The following UNC79 variants were observed in gnomAD, a reference collection of about 807,000 sequenced individuals.
UNC79 encodes unc-79 subunit of NALCN channel complex, also known as protein unc-79 homolog.
In UNC79, 37 loss-of-function variants were observed where a neutral mutation model predicts 283.1. That is an observed-to-expected ratio of 0.13 (90% confidence interval 0.10 to 0.17). The LOEUF (loss-of-function observed/expected upper bound fraction) is 0.17. Among genes scored for constraint, UNC79 ranks in the 10% least tolerant of loss-of-function variants. The pLI, the probability that UNC79 is intolerant of heterozygous loss-of-function variation, is 1.00. For synonymous variants in UNC79, 1,107 were observed against 1,200.2 expected, an observed-to-expected ratio of 0.92 and a Z score of 1.61; for missense variants, 2,272 against 3,211.1, an observed-to-expected ratio of 0.71 and a Z score of 7.07.
chr14:93,622,475 G>A, exon 30 of UNC79: 4 of 1,614,140 alleles, frequency 2.5e-6, no homozygotes, highest in Non-Finnish European at 3.4e-6. Context: ...GCAAAAACGA[G>A]ACCTCCTTCA....
chr14:93,420,655 C>T (rs1203766878), intron 1 of UNC79, among the ~76,000 whole-genome samples: 1 of 151,782 alleles, frequency 6.6e-6, no homozygotes, highest in African/African-American at 2.4e-5. Flanking sequence ...GCAGAATACA[C>T]ATTCTTTTCC....
intron 7 of UNC79, among the ~76,000 whole-genome samples, chr14:93,498,523 A>G (rs2059133183): frequency 6.6e-6 from 1 of 151,710 alleles, no homozygotes; most frequent in South Asian, 2.1e-4. Flanking sequence ...CCTAGGAGGC[A>G]GAGGCTGTGG....
intron 30 of UNC79, among the ~76,000 whole-genome samples, chr14:93,629,792 T>C (rs1397078632): frequency 6.6e-6 from 1 of 152,256 alleles, no homozygotes; most frequent in African/African-American, 2.4e-5. Flanking sequence ...AGAAACACTA[T>C]TAAGCTTAAG....
At chr14:93,335,799 GC>G (rs1252750194) in intron 1 of UNC79, among the ~76,000 whole-genome samples, 2 of 152,156 alleles carry the variant, frequency 1.3e-5, no homozygotes, top group African/African-American at 4.8e-5. Context: ...GCCTACCTGG[GC>G]CTGAAACCAA....
At chr14:93,701,980 A>T (rs2075561949) in intron 47 of UNC79, among the ~76,000 whole-genome samples, 1 of 152,144 alleles carries the variant, frequency 6.6e-6, no homozygotes, top group Admixed American at 6.5e-5. Context: ...TACTCTTCTC[A>T]AGTCCCTCAC....
chr14:93,440,444 T>A (rs2056255128), intron 1 of UNC79, among the ~76,000 whole-genome samples: 1 of 152,072 alleles, frequency 6.6e-6, no homozygotes, highest in South Asian at 2.1e-4. Context: ...TTAATTTCAG[T>A]TTTTATTATT....
At chr14:93,500,376 G>A (rs985130623) in intron 7 of UNC79, among the ~76,000 whole-genome samples, 1 of 152,122 alleles carries the variant, frequency 6.6e-6, no homozygotes, top group Non-Finnish European at 1.5e-5. Flanking sequence ...TGCCCTCCAG[G>A]CACTGTCCTA....
At chr14:93,675,142 T>G (rs531931457) in intron 41 of UNC79, among the ~76,000 whole-genome samples, 1 of 152,344 alleles carries the variant, frequency 6.6e-6, no homozygotes, top group Non-Finnish European at 1.5e-5. Flanking sequence ...TCTGGCCACA[T>G]CTGACTCTTC....
At chr14:93,406,307 G>A (rs2055224448) in intron 1 of UNC79, among the ~76,000 whole-genome samples, 1 of 152,230 alleles carries the variant, frequency 6.6e-6, no homozygotes, top group East Asian at 1.9e-4. Context: ...AATGAGCTGG[G>A]CATGGTGGCT....
chr14:93,659,383 CCTT>C (rs2071289410), intron 39 of UNC79, 122 bp downstream of exon 42: 1 of 729,974 alleles, frequency 1.4e-6, no homozygotes, highest in Non-Finnish European at 2.2e-6. Flanking sequence ...CTTTCAGCCT[CCTT>C]CTTTTTCTTC....
chr14:93,407,207 G>A (rs901585841), intron 1 of UNC79, among the ~76,000 whole-genome samples: 2 of 152,082 alleles, frequency 1.3e-5, no homozygotes, highest in African/African-American at 4.8e-5. Context: ...TCCAAATAAG[G>A]TCACCTTCTG....
In UNC79 at chr14:93,599,441, C is replaced by T. The variant is rs544896286; in HGVS notation, c.3373-1128C>T. On this transcript the variant is annotated intron_variant, in intron 24 of 48. Transcript: ENST00000555664. ...GTAAACTTCTTCCTGCATTTTAAGACCAAGAAGCAAGGGCAAGCTTGCACG... is the reference window on the plus strand; with the variant it reads ...GTAAACTTCTTCCTGCATTTTAAGATCAAGAAGCAAGGGCAAGCTTGCACG... Among the ~76,000 whole-genome samples the T allele has an allele frequency of 7.2e-5, 11 of 152,080 alleles. No individual in the cohort carries two copies. The South Asian group carries it at 2.1e-3, about 29-fold the overall frequency.
chr14:93,460,627 A>C (rs1439757258), intron 1 of UNC79, among the ~76,000 whole-genome samples: 1 of 152,150 alleles, frequency 6.6e-6, no homozygotes, highest in African/African-American at 2.4e-5. Context: ...TGTCTTTCTG[A>C]AGGACGATTT....
chr14:93,705,024 C>G (rs1306100905), intron 48 of UNC79, among the ~76,000 whole-genome samples: 2 of 152,042 alleles, frequency 1.3e-5, no homozygotes, highest in East Asian at 3.9e-4. Flanking sequence ...TGCTTGAGGC[C>G]AGAAGTTGGA....
chr14:93,477,550 T>C lies in UNC79; in HGVS notation c.449-8T>C. 6.4e-7 allele frequency: 1 copy of C among 1,570,492 alleles called. No homozygotes were observed. Among genetic ancestry groups the C allele is most frequent in the East Asian group, 2.3e-5 (1 of 43,642 alleles). On this transcript the variant is annotated splice_region_variant and splice_polypyrimidine_tract_variant and intron_variant, in intron 3 of 48. Transcript: ENST00000555664. ...TTCAGTGACTGATTACTCAATTTTG[T>C]TTTGTAGATCTTGGACAGTCGATAT...
At chr14:93,347,323 C>G (rs267604100) in intron 1 of UNC79, 1 of 1,603,706 alleles carries the variant, frequency 6.2e-7, no homozygotes, top group Non-Finnish European at 8.5e-7. Context: ...CCGCTTGGCC[C>G]TGCTCGGCCT....
intron 37 of UNC79, 85 bp from the exon 41 acceptor site, chr14:93,655,149 G>T: frequency 6.7e-7 from 1 of 1,483,352 alleles, no homozygotes; most frequent in South Asian, 1.3e-5. Flanking sequence ...CTGAAGATGT[G>T]ACTTTTAAAC....
intron 1 of UNC79, among the ~76,000 whole-genome samples, chr14:93,347,650 C>T (rs1252517793): frequency 6.6e-6 from 1 of 151,998 alleles, no homozygotes; most frequent in Non-Finnish European, 1.5e-5. Context: ...GGGGATTGGG[C>T]CTCCTTCGTT....
chr14:93,477,708 C>T, exon 4 of UNC79: 1 of 1,612,526 alleles, frequency 6.2e-7, no homozygotes, highest in Non-Finnish European at 8.5e-7. Context: ...CTTAGCACAT[C>T]TTTTCTACCA....
Sources: allele counts gnomAD v4.1 joint callset (sites outside exome capture counted in the v4.1 genomes callset), GRCh38; gene constraint gnomAD v4.1.1; transcripts MANE v1.5; gene names NCBI Gene and HGNC (gene_info 2026-07-23, HGNC 2026-07-21).